The following MYBL2 variants were observed in gnomAD, a reference collection of about 807,000 sequenced individuals.
MYBL2 encodes the protein myb-related protein B.
Under a neutral mutation model 79.9 loss-of-function variants are expected in MYBL2, and 28 were observed. That is an observed-to-expected ratio of 0.35 (90% CI 0.26 to 0.48). The LOEUF (loss-of-function observed/expected upper bound fraction) is 0.48. Ranked by LOEUF, MYBL2 falls within the 20% of genes least tolerant of loss-of-function variation. The pLI is 0.99. For synonymous variants in MYBL2, 378 were observed against 361.2 expected, an observed-to-expected ratio of 1.05 and a Z score of -0.53; for missense variants, 735 against 893.9, an observed-to-expected ratio of 0.82 and a Z score of 2.27.
At chr20:43,682,203 TCAGCAGGCTTCATGGTGAGG>T (rs1190476182) in intron 3 of MYBL2, among the ~76,000 whole-genome samples, 1 of 150,808 alleles carries the variant, frequency 6.6e-6, no homozygotes, top group Non-Finnish European at 1.5e-5. Context: ...AGTGATGCTT[TCAGCAGGCTTCATGGTGAGG>T]CCCCTGCAGG....
At chr20:43,697,964 T>G (rs1254478074) in intron 6 of MYBL2, among the ~76,000 whole-genome samples, 2 of 151,488 alleles carry the variant, frequency 1.3e-5, no homozygotes, top group Non-Finnish European at 2.9e-5. Flanking sequence ...AATGTGATGT[T>G]TTGATTCATT....
rs769733404 is a variant in MYBL2 at position 43,700,017 on chromosome 20, C to G, written c.924C>G (p.Leu308=). 51 of 1,613,888 alleles carry G rather than the reference C, an allele frequency of 3.2e-5. No individual in the cohort carries two copies. The highest frequency in any genetic ancestry group is 2.6e-5 in the Non-Finnish European group (31 of 1,180,002). ...NLLIPAVGSS[L]SEALDLIESD... Reference sequence around the variant, plus strand: ...TCATCCCTGCTGTGGGTTCTAGCCTCTCTGAAGCCCTGGACTTGATCGAGT... The same window carrying G: ...TCATCCCTGCTGTGGGTTCTAGCCTGTCTGAAGCCCTGGACTTGATCGAGT... Residue 308 remains leucine (L), a synonymous_variant, in exon 7 of 14, where the codon CTC becomes CTG. Coordinates refer to ENST00000217026, the MANE Select transcript of MYBL2 (RefSeq NM_002466.4).
intron 4 of MYBL2, among the ~76,000 whole-genome samples, chr20:43,683,104 G>A (rs904684283): frequency 6.6e-6 from 1 of 152,204 alleles, no homozygotes. Flanking sequence ...TGGTCTGAGG[G>A]CTATTGGGCT....
At chr20:43,669,245 TC>T (rs544565730) in intron 1 of MYBL2, among the ~76,000 whole-genome samples, 39 of 152,182 alleles carry the variant, frequency 2.6e-4, no homozygotes, top group Non-Finnish European at 5.9e-5. Flanking sequence ...CCAGGGATTC[TC>T]CCCCACTTGG....
At chr20:43,675,622 A>G (rs984558419) in intron 2 of MYBL2, among the ~76,000 whole-genome samples, 2 of 152,060 alleles carry the variant, frequency 1.3e-5, no homozygotes, top group African/African-American at 4.8e-5. Context: ...CGGTTTGATC[A>G]CTTTTGACAA....
rs1986737943 is a variant in MYBL2 at position 43,667,272 on chromosome 20, C to T, written c.-12C>T. On this transcript the variant is annotated 5_prime_UTR_variant, in exon 1 of 14. Transcript: ENST00000217026. ...GCGGGCGGGCGAGCGCGGCGCGGTC[C>T]GGGCCGGGGGGATGTCTCGGCGGAC... The T allele has an allele frequency of 4.1e-6, 5 of 1,224,460 alleles. No homozygotes were observed. The highest frequency in any genetic ancestry group is 1.6e-5 in the African/African-American group (1 of 63,794). 75.8% of individuals were successfully genotyped at this position (1,224,460 alleles called of 1,614,324 possible). A position where few individuals can be genotyped will look rare whatever the true frequency, so the allele number is the denominator to read the frequency against.
At chr20:43,696,534 TG>T (rs528939998) in intron 6 of MYBL2, among the ~76,000 whole-genome samples, 1,577 of 152,396 alleles carry the variant, frequency 0.01, 27 homozygotes, top group African/African-American at 0.035. Flanking sequence ...AATTAGACGA[TG>T]TCTTACTCTT....
At chr20:43,688,027 A>AAT (rs1555811046) in intron 5 of MYBL2, among the ~76,000 whole-genome samples, 2 of 146,586 alleles carry the variant, frequency 1.4e-5, no homozygotes, top group Non-Finnish European at 3.0e-5. Flanking sequence ...AAAAAAAAAA[A>AAT]TTTTTTTTTC....
At chr20:43,709,942 C>G (rs373474022) in intron 9 of MYBL2, 21 bp from the exon 10 acceptor site, 110 of 1,579,360 alleles carry the variant, frequency 7.0e-5, no homozygotes, top group Non-Finnish European at 9.2e-5. Flanking sequence ...TCACTAGTTC[C>G]CCCGTTCTGG....
In MYBL2 at chr20:43,681,781, C is replaced by T; in HGVS notation, c.115-3C>T. The T allele has an allele frequency of 6.2e-7, 1 of 1,614,176 alleles. No individual in the cohort carries two copies. The highest frequency in any genetic ancestry group is 1.3e-5 in the African/African-American group (1 of 75,052). On this transcript the variant is annotated splice_polypyrimidine_tract_variant and splice_region_variant and intron_variant, in intron 2 of 13. Coordinates refer to ENST00000217026, the MANE Select transcript of MYBL2 (RefSeq NM_002466.4). ...TGAGCCCCTGTCTTTCTGGTGTTGG[C>T]AGGACGAGCAGCTGAGGGCCCTGGT...
chr20:43,682,860 C>G lies in MYBL2; in HGVS notation c.253C>G (p.Pro85Ala). The G allele has an allele frequency of 1.2e-6, 2 of 1,613,988 alleles. No homozygotes were observed. The highest frequency in any genetic ancestry group is 8.5e-7 in the Non-Finnish European group (1 of 1,179,894). Residue 85 changes from proline (P) to alanine (A), a missense_variant, in exon 4 of 14, where the codon CCA becomes GCA. Pro to Ala is a conservative substitution (Grantham distance 27). Coordinates refer to ENST00000217026, the MANE Select transcript of MYBL2 (RefSeq NM_002466.4). ...TTTGAATCCAGACCTTGTCAAGGGG[C>G]CATGGACCAAAGAGGAAGACCAAAA... ...RVLNPDLVKG[P>A]WTKEEDQKVI...
At chr20:43,694,967 A>C (rs1274036262) in intron 6 of MYBL2, among the ~76,000 whole-genome samples, 1 of 151,576 alleles carries the variant, frequency 6.6e-6, no homozygotes, top group Admixed American at 6.6e-5. Context: ...TGACACTTTG[A>C]GTGTCTGGAG....
intron 2 of MYBL2, among the ~76,000 whole-genome samples, chr20:43,680,514 T>G (rs436397): frequency 1.3e-5 from 2 of 152,234 alleles, no homozygotes; most frequent in African/African-American, 4.8e-5. Flanking sequence ...TTGTTTGAGA[T>G]GGAGTCTCAC....
At chr20:43,695,557 G>C (rs1167264248) in intron 6 of MYBL2, among the ~76,000 whole-genome samples, 1 of 152,106 alleles carries the variant, frequency 6.6e-6, no homozygotes, top group East Asian at 1.9e-4. Context: ...TTGGTGGTGG[G>C]GGGAACCCTT....
At chr20:43,670,480 GT>G (rs2145704113) in intron 1 of MYBL2, among the ~76,000 whole-genome samples, 1 of 152,174 alleles carries the variant, frequency 6.6e-6, no homozygotes, top group Non-Finnish European at 1.5e-5. Flanking sequence ...AATTTAATTA[GT>G]ATTTCTTATT....
At chr20:43,714,070 A>G (rs1449527114) in intron 12 of MYBL2, among the ~76,000 whole-genome samples, 1 of 152,172 alleles carries the variant, frequency 6.6e-6, no homozygotes, top group African/African-American at 2.4e-5. Flanking sequence ...CTGCAAAGAA[A>G]AAAACATCAC....
chr20:43,690,129 T>C (rs1987369840), intron 5 of MYBL2, among the ~76,000 whole-genome samples: 1 of 151,816 alleles, frequency 6.6e-6, no homozygotes, highest in African/African-American at 2.4e-5. Context: ...GGAGGGCGCA[T>C]GTGTACATGG....
At position 43,716,021 on chromosome 20, in the gene MYBL2, GA is replaced by G; in HGVS notation, c.2040del (p.Ala681ProfsTer8). On this transcript the variant is annotated frameshift_variant, in exon 14 of 14. Transcript: ENST00000217026. LOFTEE classifies it high-confidence loss of function. ...GTRDQLFMQE[K>X]ARQLLGRLKP... is the part of the protein sequence containing the mutation. ...CCAGGGACCAGCTTTTCATGCAGGA[GA>G]AAGCCCGGCAGCTCCTGGGCCGCCT... is the stretch of plus-strand genomic sequence containing the variant. 1.2e-6 allele frequency: 2 copies of G among 1,612,052 alleles called. No individual in the cohort carries two copies. The highest frequency in any genetic ancestry group is 1.7e-5 in the Admixed American group (1 of 59,968).
At chr20:43,695,095 G>C (rs541993035) in intron 6 of MYBL2, among the ~76,000 whole-genome samples, 1 of 150,282 alleles carries the variant, frequency 6.7e-6, no homozygotes, top group Admixed American at 6.7e-5. Flanking sequence ...GTGCAGTGGT[G>C]CCATCTCTGC....
Sources: allele counts gnomAD v4.1 joint callset (sites outside exome capture counted in the v4.1 genomes callset), GRCh38; gene constraint gnomAD v4.1.1; transcripts MANE v1.5; gene names NCBI Gene and HGNC (gene_info 2026-07-23, HGNC 2026-07-21).